The following ZMIZ1 variants were observed in gnomAD, a reference collection of about 807,000 sequenced individuals.
The protein encoded by ZMIZ1 is zinc finger MIZ-type containing 1.
A neutral mutation model predicts 113.9 loss-of-function variants in ZMIZ1; 17 were observed. The ratio of observed to expected loss-of-function variants is 0.15; its 90% CI spans 0.10 to 0.22. ZMIZ1 has a LOEUF of 0.22. ZMIZ1 is among the 10% of genes least tolerant of loss of function. The probability of loss-of-function intolerance (pLI) is 1.00; values close to 1 mark genes in which losing one functional copy is unlikely to be tolerated. For missense variants in ZMIZ1, 1,059 were observed against 1,477.8 expected, an observed-to-expected ratio of 0.72 and a Z score of 4.65; for synonymous variants, 607 against 603.1, an observed-to-expected ratio of 1.01 and a Z score of -0.09.
At chr10:79,083,091 C>T (rs1389551482) in intron 1 of ZMIZ1, among the ~76,000 whole-genome samples, 6 of 152,200 alleles carry the variant, frequency 3.9e-5, no homozygotes, top group Non-Finnish European at 7.3e-5. Flanking sequence ...TTCTAGTAGG[C>T]GAGACAGTCA....
At chr10:79,093,438 G>A (rs568402532) in intron 1 of ZMIZ1, among the ~76,000 whole-genome samples, 106 of 151,726 alleles carry the variant, frequency 7.0e-4, no homozygotes, top group Admixed American at 3.5e-3. Context: ...GCGATTCTCC[G>A]GCCTCAGCCT....
chr10:79,089,483 C>T (rs186122619), intron 1 of ZMIZ1, among the ~76,000 whole-genome samples: 1 of 152,352 alleles, frequency 6.6e-6, no homozygotes, highest in Admixed American at 6.5e-5. Context: ...TCTTTGCCTC[C>T]TTCCGACAGA....
intron 5 of ZMIZ1, among the ~76,000 whole-genome samples, chr10:79,207,364 C>T (rs746167): frequency 0.12 from 18,729 of 152,278 alleles, 1,284 homozygotes; most frequent in East Asian, 0.24. Flanking sequence ...GGCCAGAGCC[C>T]CATCCCAGAA....
intron 6 of ZMIZ1, among the ~76,000 whole-genome samples, chr10:79,214,402 C>T (rs546839331): frequency 3.3e-5 from 5 of 152,286 alleles, no homozygotes; most frequent in South Asian, 4.1e-4. Flanking sequence ...CACAGAGGGG[C>T]GCAGGGAGGG....
chr10:79,298,987 T>G, intron 15 of ZMIZ1, 63 bp from the exon 16 acceptor site: 1 of 1,547,400 alleles, frequency 6.5e-7, no homozygotes. Flanking sequence ...AAGTCCCACC[T>G]ACAGCCCCAG....
chr10:79,157,185 T>G (rs1274135321), intron 3 of ZMIZ1, among the ~76,000 whole-genome samples: 2 of 152,186 alleles, frequency 1.3e-5, no homozygotes, highest in Non-Finnish European at 2.9e-5. Context: ...CTTTGCTCTC[T>G]GCTGAGCGAT....
intron 1 of ZMIZ1, among the ~76,000 whole-genome samples, chr10:79,071,681 T>C (rs1842290882): frequency 6.6e-6 from 1 of 152,138 alleles, no homozygotes; most frequent in South Asian, 2.1e-4. Flanking sequence ...CCCCAAGCCT[T>C]GGGCTGACCT....
At chr10:79,167,981 C>A (rs557424539) in intron 4 of ZMIZ1, among the ~76,000 whole-genome samples, 14 of 152,122 alleles carry the variant, frequency 9.2e-5, no homozygotes, top group Non-Finnish European at 2.1e-4. Context: ...GATTTACTCC[C>A]CAGAGCCTGG....
At chr10:79,100,326 G>C (rs1284633421) in intron 1 of ZMIZ1, among the ~76,000 whole-genome samples, 1 of 151,970 alleles carries the variant, frequency 6.6e-6, no homozygotes, top group Admixed American at 6.6e-5. Context: ...GCAGGTGAGG[G>C]CTGGGCATGG....
chr10:79,207,910 A>G (rs1484591435), intron 5 of ZMIZ1, among the ~76,000 whole-genome samples: 1 of 150,708 alleles, frequency 6.6e-6, no homozygotes, highest in Non-Finnish European at 1.5e-5. Context: ...GGGAGGGAGA[A>G]CTCCCGGAAC....
intron 2 of ZMIZ1, among the ~76,000 whole-genome samples, chr10:79,126,019 T>G (rs1844494231): frequency 1.3e-5 from 2 of 152,186 alleles, no homozygotes; most frequent in Admixed American, 1.3e-4. Context: ...TCTGGGGACC[T>G]GTGGAGAGCC....
intron 7 of ZMIZ1, among the ~76,000 whole-genome samples, chr10:79,268,813 G>GCGTTGCAGAGGGCAGGTTGGCAGGA (rs1277989507): frequency 6.6e-6 from 1 of 152,320 alleles, no homozygotes; most frequent in East Asian, 1.9e-4. Context: ...TCCTCTGACC[G>GCGTTGCAGAGGGCAGGTTGGCAGGA]CGTTGCAGAG....
intron 1 of ZMIZ1, among the ~76,000 whole-genome samples, chr10:79,094,776 C>G (rs1843116060): frequency 6.6e-6 from 1 of 152,188 alleles, no homozygotes; most frequent in Admixed American, 6.5e-5. Context: ...CAGTGAAACC[C>G]TGTCTTTACC....
intron 7 of ZMIZ1, among the ~76,000 whole-genome samples, chr10:79,232,381 A>C (rs1849428723): frequency 6.6e-6 from 1 of 152,184 alleles, no homozygotes; most frequent in African/African-American, 2.4e-5. Flanking sequence ...AAGGGGAAGC[A>C]GGAGGACGGT....
At chr10:79,126,088 C>T (rs1303899077) in intron 2 of ZMIZ1, among the ~76,000 whole-genome samples, 20 of 152,186 alleles carry the variant, frequency 1.3e-4, no homozygotes. Flanking sequence ...CGTGGAGCCG[C>T]ATTTGTGTTC....
intron 7 of ZMIZ1, among the ~76,000 whole-genome samples, chr10:79,224,680 A>T (rs933571400): frequency 1.3e-5 from 2 of 152,182 alleles, no homozygotes; most frequent in Admixed American, 1.3e-4. Context: ...GGGATAGGGG[A>T]TCTGCACAGT....
At chr10:79,292,088 C>T in intron 10 of ZMIZ1, 70 bp from the exon 11 acceptor site, 1 of 1,444,098 alleles carries the variant, frequency 6.9e-7, no homozygotes. Flanking sequence ...TCCCTTCCAG[C>T]CCACAGCTTG....
intron 2 of ZMIZ1, among the ~76,000 whole-genome samples, chr10:79,135,950 A>T (rs1844990213): frequency 6.7e-6 from 1 of 150,250 alleles, no homozygotes; most frequent in Non-Finnish European, 1.5e-5. Context: ...CAGCCCCTTT[A>T]TCGCCCTGTA....
At chr10:79,110,092 A>T (rs1843686284) in intron 1 of ZMIZ1, among the ~76,000 whole-genome samples, 1 of 152,252 alleles carries the variant, frequency 6.6e-6, no homozygotes, top group African/African-American at 2.4e-5. Context: ...AGATGCCTGC[A>T]TCCAAACCCC....
Sources: allele counts gnomAD v4.1 joint callset (sites outside exome capture counted in the v4.1 genomes callset), GRCh38; gene constraint gnomAD v4.1.1; transcripts MANE v1.5; gene names NCBI Gene and HGNC (gene_info 2026-07-23, HGNC 2026-07-21).